DOCK3: variants seen among roughly 807,000 people sequenced by gnomAD.
DOCK3 encodes the protein dedicator of cytokinesis protein 3.
A neutral mutation model predicts 265.6 loss-of-function variants in DOCK3; 60 were observed. The observed-to-expected ratio is 0.23, with a 90% CI of 0.18 to 0.28. DOCK3 has a LOEUF of 0.28. DOCK3 is among the 10% of genes least tolerant of loss of function. DOCK3 has a pLI of 1.00. For missense variants in DOCK3, 1,981 were observed against 2,594.3 expected (o/e 0.76, Z 5.14); for synonymous variants, 881 against 938.0 (o/e 0.94, Z 1.11).
chr3:51,315,661 A>C (rs532534396), intron 32 of DOCK3, among the ~76,000 whole-genome samples: 1 of 152,202 alleles, frequency 6.6e-6, no homozygotes, highest in South Asian at 2.1e-4. Flanking sequence ...CCCTGCCTTT[A>C]TATCTGTAGC....
intron 23 of DOCK3, among the ~76,000 whole-genome samples, chr3:51,268,164 G>C (rs535457808): frequency 6.6e-6 from 1 of 152,160 alleles, no homozygotes; most frequent in East Asian, 1.9e-4. Context: ...TTCAAAAAAA[G>C]ATTAGATTAG....
chr3:50,966,668 G>A (rs949105624), intron 5 of DOCK3, among the ~76,000 whole-genome samples: 4 of 152,032 alleles, frequency 2.6e-5, no homozygotes, highest in African/African-American at 9.7e-5. Context: ...TGTGGTAAAA[G>A]GCACCAGCTA....
chr3:51,087,140 A>G (rs904392232), intron 7 of DOCK3, among the ~76,000 whole-genome samples: 1 of 152,228 alleles, frequency 6.6e-6, no homozygotes, highest in African/African-American at 2.4e-5. Context: ...CCAGCGTTAC[A>G]CATTACACTG....
intron 17 of DOCK3, 124 bp from the exon 18 acceptor site, chr3:51,228,537 G>T (rs1323914158): frequency 9.6e-7 from 1 of 1,044,006 alleles, no homozygotes; most frequent in Non-Finnish European, 1.4e-6. Context: ...CTTCCAAGAG[G>T]ACCTGAGGCC....
At position 51,236,388 on chromosome 3, in the gene DOCK3, A is replaced by G; in HGVS notation, c.1961A>G (p.Asp654Gly). The G allele has an allele frequency of 3.1e-6, 5 of 1,613,192 alleles. No homozygotes were observed. Among genetic ancestry groups the G allele is most frequent in the Non-Finnish European group, 4.2e-6 (5 of 1,179,620 alleles). ...GATACACTCTTTGTGATTTTGGATGATAATACAGAGAAGTACGGCCTGTTG... is the reference window on the plus strand; with the variant it reads ...GATACACTCTTTGTGATTTTGGATGGTAATACAGAGAAGTACGGCCTGTTG... ...ILDTLFVILD[D>G]NTEKYGLLVF... The change falls in exon 20 of 53, where the codon GAT becomes GGT. Residue 654 changes from aspartate (D) to glycine (G), a missense_variant. Physicochemically the swap from Asp to Gly is moderately conservative, Grantham distance 94. Around this residue, in one of 4 missense-constraint regions of DOCK3, gnomAD observed 1,357 missense variants for 1,866.8 expected, o/e 0.73. Transcript: ENST00000266037.
At chr3:50,745,699 C>T (rs774091810) in intron 1 of DOCK3, among the ~76,000 whole-genome samples, 5 of 152,312 alleles carry the variant, frequency 3.3e-5, no homozygotes, top group South Asian at 2.1e-4. Flanking sequence ...CTACTATCCC[C>T]GCTGTTGCAG....
chr3:51,362,009 T>C lies in DOCK3; in HGVS notation c.5145+12T>C. 1 of 1,599,662 alleles carries C rather than the reference T, an allele frequency of 6.3e-7. No homozygotes were observed. Among genetic ancestry groups the C allele is most frequent in the Non-Finnish European group, 8.5e-7 (1 of 1,172,910 alleles). ...ACCACCACATGCAGGTACAGAGCTG[T>C]CCACGGAGAGTGGGCCAGGGCACCA... is the stretch of plus-strand genomic sequence containing the variant. On this transcript the variant is annotated intron_variant, in intron 48 of 52. Coordinates refer to ENST00000266037, the MANE Select transcript of DOCK3 (RefSeq NM_004947.5).
intron 8 of DOCK3, among the ~76,000 whole-genome samples, chr3:51,089,679 C>T (rs1181424862): frequency 6.6e-6 from 1 of 151,916 alleles, no homozygotes; most frequent in African/African-American, 2.4e-5. Context: ...GAGGCCAAGG[C>T]AGGTGGATCA....
At chr3:50,845,195 A>C (rs1004295882) in intron 3 of DOCK3, among the ~76,000 whole-genome samples, 5 of 152,158 alleles carry the variant, frequency 3.3e-5, no homozygotes, top group African/African-American at 1.2e-4. Flanking sequence ...CAACAAAGGG[A>C]GACTCTGTCT....
At chr3:51,150,313 G>A (rs1300320149) in intron 10 of DOCK3, among the ~76,000 whole-genome samples, 1 of 152,026 alleles carries the variant, frequency 6.6e-6, no homozygotes, top group African/African-American at 2.4e-5. Flanking sequence ...ATTTTTTGAA[G>A]GGTTTTTTGT....
intron 5 of DOCK3, among the ~76,000 whole-genome samples, chr3:50,935,277 C>T (rs2051293745): frequency 6.6e-6 from 1 of 152,190 alleles, no homozygotes; most frequent in South Asian, 2.1e-4. Flanking sequence ...ACAGGCATTT[C>T]AGCAGTGGAA....
rs373591036 is a variant in DOCK3, at chr3:51,312,916, C to G, written c.3253+14C>G. On this transcript the variant is annotated intron_variant, in intron 31 of 52. Coordinates refer to ENST00000266037, the MANE Select transcript of DOCK3 (RefSeq NM_004947.5). ...GGCAGAATTTGGGTAGGTTTTTTCTCCCTATTCTTCCCTTCTATATATTGC... is the reference window on the plus strand; with the variant it reads ...GGCAGAATTTGGGTAGGTTTTTTCTGCCTATTCTTCCCTTCTATATATTGC... 155 of 1,592,202 alleles carry G rather than the reference C, an allele frequency of 9.7e-5. No homozygotes were observed. Among genetic ancestry groups the G allele is most frequent in the Non-Finnish European group, 1.3e-4 (150 of 1,168,056 alleles).
At chr3:50,941,655 G>A (rs915680169) in intron 5 of DOCK3, among the ~76,000 whole-genome samples, 1 of 152,040 alleles carries the variant, frequency 6.6e-6, no homozygotes, top group African/African-American at 2.4e-5. Flanking sequence ...TAAACTGGAA[G>A]CAATCCAAAT....
At chr3:51,299,287 TTTAAG>T (rs2109312904) in intron 27 of DOCK3, among the ~76,000 whole-genome samples, 1 of 152,222 alleles carries the variant, frequency 6.6e-6, no homozygotes, top group African/African-American at 2.4e-5. Flanking sequence ...TGTAAGTTTG[TTTAAG>T]TTATTTGTAG....
chr3:51,061,256 T>C (rs2081397672), intron 5 of DOCK3, among the ~76,000 whole-genome samples: 2 of 152,180 alleles, frequency 1.3e-5, no homozygotes, highest in African/African-American at 4.8e-5. Context: ...TAAAGACACA[T>C]ACACACGTGT....
intron 2 of DOCK3, among the ~76,000 whole-genome samples, chr3:50,831,046 T>TC (rs1284016442): frequency 1.3e-5 from 2 of 152,046 alleles, no homozygotes; most frequent in Non-Finnish European, 2.9e-5. Flanking sequence ...TTGTACACTG[T>TC]CATGGCACTG....
At chr3:51,084,748 A>C (rs1397548259) in intron 7 of DOCK3, among the ~76,000 whole-genome samples, 1 of 152,222 alleles carries the variant, frequency 6.6e-6, no homozygotes, top group African/African-American at 2.4e-5. Context: ...GGCAAACAAG[A>C]AACAAGGAAG....
At chr3:51,028,393 T>G (rs2079906540) in intron 5 of DOCK3, among the ~76,000 whole-genome samples, 1 of 152,162 alleles carries the variant, frequency 6.6e-6, no homozygotes, top group Non-Finnish European at 1.5e-5. Flanking sequence ...ATCAGAATAC[T>G]GTGTAACTTT....
At chr3:51,250,090 T>C (rs2079118644) in intron 22 of DOCK3, among the ~76,000 whole-genome samples, 1 of 150,634 alleles carries the variant, frequency 6.6e-6, no homozygotes, top group African/African-American at 2.4e-5. Flanking sequence ...TCATTAAGAG[T>C]CATCACCACT....
Sources: allele counts gnomAD v4.1 joint callset (sites outside exome capture counted in the v4.1 genomes callset), GRCh38; gene constraint gnomAD v4.1.1; regional missense constraint gnomAD v4.1.1; transcripts MANE v1.5; gene names NCBI Gene and HGNC (gene_info 2026-07-23, HGNC 2026-07-21).